The following SLC6A3 variants were observed in gnomAD, a reference collection of about 807,000 sequenced individuals.
SLC6A3 encodes sodium-dependent dopamine transporter.
SLC6A3 carries 19 observed loss-of-function variants against 70.4 expected under a neutral mutation model. The observed-to-expected ratio is 0.27, with a 90% CI of 0.19 to 0.40. The LOEUF (loss-of-function observed/expected upper bound fraction) is 0.40. SLC6A3 is among the 10% of genes least tolerant of loss of function. The pLI, the probability that SLC6A3 is intolerant of heterozygous loss-of-function variation, is 1.00. For synonymous variants in SLC6A3, 368 were observed against 356.6 expected, an observed-to-expected ratio of 1.03 and a Z score of -0.36; for missense variants, 613 against 838.5, an observed-to-expected ratio of 0.73 and a Z score of 3.32.
chr5:1,416,499 C>A (rs1756294566), intron 6 of SLC6A3: 2 of 522,650 alleles, frequency 3.8e-6, no homozygotes, highest in East Asian at 7.0e-5. Flanking sequence ...TGCTCCATAG[C>A]CCTCAGAACA....
In SLC6A3 at chr5:1,438,674, T is replaced by A. The variant is rs1274795409; in HGVS notation, c.418+2685A>T. Among the ~76,000 whole-genome samples, 1 of 152,152 alleles carries A rather than the reference T, an allele frequency of 6.6e-6. No homozygotes were observed. The highest frequency in any genetic ancestry group is 6.5e-5 in the Admixed American group (1 of 15,284). ...CTACAGGTCCCTTTTTCTCCTGCCCTCCTCACCTGAATCCTGCACGTGAAG... is the reference window on the plus strand; with the variant it reads ...CTACAGGTCCCTTTTTCTCCTGCCCACCTCACCTGAATCCTGCACGTGAAG... On this transcript the variant is annotated intron_variant, in intron 3 of 14. Transcript: ENST00000270349. The surrounding 1 kb of genome is among the most constrained non-coding windows in gnomAD (Gnocchi z 6.5).
At chr5:1,423,834 G>A (rs1756519157) in intron 4 of SLC6A3, among the ~76,000 whole-genome samples, 1 of 152,250 alleles carries the variant, frequency 6.6e-6, no homozygotes, top group African/African-American at 2.4e-5. Context: ...GTCAGGAGCT[G>A]TGACAGACAG....
chr5:1,395,211 C>T (rs1755686368), intron 14 of SLC6A3, among the ~76,000 whole-genome samples: 1 of 152,222 alleles, frequency 6.6e-6, no homozygotes, highest in African/African-American at 2.4e-5. Context: ...GCTACCTCTG[C>T]AGCTCCATCT....
chr5:1,414,607 C>T, intron 8 of SLC6A3, 84 bp downstream of exon 8: 2 of 1,523,638 alleles, frequency 1.3e-6, no homozygotes, highest in Non-Finnish European at 8.9e-7. Flanking sequence ...CGTCTCCTTC[C>T]TCTTTCACAA....
Position 1,411,297 on chromosome 5 carries a change from T to G in SLC6A3, c.1215A>C (p.Ser405=). The G allele has an allele frequency of 1.3e-6, 2 of 1,555,116 alleles. No homozygotes were observed. Among genetic ancestry groups the G allele is most frequent in the Non-Finnish European group, 1.7e-6 (2 of 1,149,298 alleles). The change falls in exon 9 of 15, where the codon TCA becomes TCC. Residue 405 remains serine (S), a synonymous_variant. Coordinates refer to ENST00000270349, the MANE Select transcript of SLC6A3 (RefSeq NM_001044.5). This position sits in a 1 kb window ranked among gnomAD's most constrained non-coding sequence, Gnocchi z 6.5. ...PEAIATLPLS[S]AWAVVFFIML... ...TGATGAAGAAGACCACGGCCCAGGC[T>G]GAGGACAGAGGGAGCGTGGCGATGG...
At chr5:1,400,013 C>A (rs1404460079) in intron 14 of SLC6A3, among the ~76,000 whole-genome samples, 1 of 152,212 alleles carries the variant, frequency 6.6e-6, no homozygotes, top group East Asian at 1.9e-4. Flanking sequence ...CGAGAACCAG[C>A]CACAGAGAGG....
Position 1,441,442 on chromosome 5 carries a change from G to C in SLC6A3, c.335C>G (p.Pro112Arg), listed in dbSNP as rs1393047611. ...YLLFMVIAGMPLFYMELALGQ... is the reference protein window; with the variant it reads ...YLLFMVIAGMRLFYMELALGQ... Reference sequence around the variant, plus strand: ...GAGGGCCAGCTCCATGTAGAAAAGTGGCATCCCAGCAATGACCATGAAGAG... The same window carrying C: ...GAGGGCCAGCTCCATGTAGAAAAGTCGCATCCCAGCAATGACCATGAAGAG... The change falls in exon 3 of 15, where the codon CCA (proline) becomes CGA (arginine). Residue 112 changes from proline to arginine, a missense_variant. Physicochemically the swap from Pro to Arg is moderately radical, Grantham distance 103. Coordinates refer to ENST00000270349, the MANE Select transcript of SLC6A3 (RefSeq NM_001044.5). 1 of 1,614,098 alleles carries C rather than the reference G, an allele frequency of 6.2e-7. No individual in the cohort carries two copies. The highest frequency in any genetic ancestry group is 8.5e-7 in the Non-Finnish European group (1 of 1,180,036).
At position 1,406,852 on chromosome 5, in the gene SLC6A3, A is replaced by T. The variant is rs186925310; in HGVS notation, c.1499-564T>A. ...GCACCATCTGCTTTTTGTCTCAATG[A>T]ATGTGACTCCTGTGGGAACCTCCCG... On this transcript the variant is annotated intron_variant, in intron 11 of 14. Coordinates refer to ENST00000270349, the MANE Select transcript of SLC6A3 (RefSeq NM_001044.5). The surrounding 1 kb of genome is among the most constrained non-coding windows in gnomAD (Gnocchi z 8.8). Among the ~76,000 whole-genome samples the T allele has an allele frequency of 6.2e-4, 94 of 152,030 alleles. No homozygotes were observed. Among genetic ancestry groups the T allele is most frequent in the African/African-American group, 2.1e-3 (89 of 41,502 alleles).
Position 1,413,175 on chromosome 5 carries a change from T to C in SLC6A3, c.1156+1516A>G, listed in dbSNP as rs1756167838. On this transcript the variant is annotated intron_variant, in intron 8 of 14. Transcript: ENST00000270349. The surrounding 1 kb of genome is among the most constrained non-coding windows in gnomAD (Gnocchi z 7.1). ...TTTTTGCAAACTATGCTCGTTATCA[T>C]AATAAAGGGCAAAAAGAATGAAGAA... Among the ~76,000 whole-genome samples the C allele has an allele frequency of 6.6e-6, 1 of 152,210 alleles. No homozygotes were observed. The highest frequency in any genetic ancestry group is 2.4e-5 in the African/African-American group (1 of 41,450).
intron 1 of SLC6A3, among the ~76,000 whole-genome samples, chr5:1,444,400 ACT>A (rs1335406748): frequency 2.1e-5 from 3 of 144,522 alleles, no homozygotes; most frequent in Admixed American, 6.7e-5. Flanking sequence ...ACACATACAC[ACT>A]CACACACACA....
At chr5:1,426,083 A>G (rs1248514630) in intron 4 of SLC6A3, among the ~76,000 whole-genome samples, 1 of 152,214 alleles carries the variant, frequency 6.6e-6, no homozygotes, top group Non-Finnish European at 1.5e-5. Flanking sequence ...TGTGGGAAAC[A>G]GTGTGGTGGT....
In SLC6A3 at chr5:1,436,794, G is replaced by T. The variant is rs1452584465; in HGVS notation, c.419-4096C>A. 6.6e-6 allele frequency among the ~76,000 whole-genome samples: 1 copy of T among 152,206 alleles called. No individual in the cohort carries two copies. The highest frequency in any genetic ancestry group is 2.4e-5 in the African/African-American group (1 of 41,456). ...ATGGTGCTTCGCCCACCAGAGCACG[G>T]CCACCCTGCCCCACCCCTGAACACC... On this transcript the variant is annotated intron_variant, in intron 3 of 14. Transcript: ENST00000270349. The surrounding 1 kb of genome is among the most constrained non-coding windows in gnomAD (Gnocchi z 5.2).
Position 1,442,842 on chromosome 5 carries a change from G to T in SLC6A3, c.286+70C>A. ...ACAGCTTCATCTCGTTTCCGTACGT[G>T]CCTTGGCCCCGGCTGCCCCTACGAC... On this transcript the variant is annotated intron_variant, in intron 2 of 14. Coordinates refer to ENST00000270349, the MANE Select transcript of SLC6A3 (RefSeq NM_001044.5). This position sits in a 1 kb window ranked among gnomAD's most constrained non-coding sequence, Gnocchi z 5.0. The T allele has an allele frequency of 1.3e-6, 2 of 1,506,116 alleles. No homozygotes were observed. Among genetic ancestry groups the T allele is most frequent in the Non-Finnish European group, 1.8e-6 (2 of 1,083,626 alleles). 93.3% of individuals were successfully genotyped at this position (1,506,116 alleles called of 1,614,324 possible). A position where few individuals can be genotyped will look rare whatever the true frequency, so the allele number is the denominator to read the frequency against.
Position 1,396,974 on chromosome 5 carries a change from T to C in SLC6A3, c.1840-2216A>G, listed in dbSNP as rs151132379. Among the ~76,000 whole-genome samples the C allele has an allele frequency of 1.6e-3, 238 of 152,348 alleles. 8 individuals are homozygous for C. The East Asian group carries it at 0.042, about 27-fold the overall frequency. On this transcript the variant is annotated intron_variant, in intron 14 of 14. Coordinates refer to ENST00000270349, the MANE Select transcript of SLC6A3 (RefSeq NM_001044.5). The surrounding 1 kb of genome is among the most constrained non-coding windows in gnomAD (Gnocchi z 7.0). Reference sequence around the variant, plus strand: ...CAGTTTCCACAGTGCCTAGTTTTCCTGCTGTGGGCTCACAAGGGTCTGTTT... The same window carrying C: ...CAGTTTCCACAGTGCCTAGTTTTCCCGCTGTGGGCTCACAAGGGTCTGTTT...
chr5:1,422,153 T>C (rs1756451568), intron 4 of SLC6A3, 139 bp from the exon 5 acceptor site: 2 of 948,186 alleles, frequency 2.1e-6, no homozygotes, highest in Admixed American at 4.4e-5. Flanking sequence ...AGAGATGCCT[T>C]CCAGGGAGGT....
rs1755930726 is a variant in SLC6A3 at position 1,404,733 on chromosome 5, T to G, written c.1599+1455A>C. Among the ~76,000 whole-genome samples the G allele has an allele frequency of 6.6e-6, 1 of 152,270 alleles. No homozygotes were observed. Among genetic ancestry groups the G allele is most frequent in the Non-Finnish European group, 1.5e-5 (1 of 68,050 alleles). ...CTTCATAGGAATTGTGCTGTCATAT[T>G]AAATACAAAATGACATAGAGCAATG... On this transcript the variant is annotated intron_variant, in intron 12 of 14. Coordinates refer to ENST00000270349, the MANE Select transcript of SLC6A3 (RefSeq NM_001044.5). This position sits in a 1 kb window ranked among gnomAD's most constrained non-coding sequence, Gnocchi z 5.2.
Position 1,409,815 on chromosome 5 carries a change from A to G in SLC6A3, c.1304T>C (p.Ile435Thr). 6.2e-7 allele frequency: 1 copy of G among 1,613,398 alleles called. No individual in the cohort carries two copies. Among genetic ancestry groups the G allele is most frequent in the Non-Finnish European group, 8.5e-7 (1 of 1,180,000 alleles). The change falls in exon 10 of 15, where the codon ATC becomes ACC. Residue 435 changes from isoleucine (I) to threonine (T), a missense_variant. Physicochemically the swap from Ile to Thr is moderately conservative, Grantham distance 89. Around this residue, in one of 4 missense-constraint regions of SLC6A3, gnomAD observed 348 missense variants for 481.2 expected, o/e 0.72. Coordinates refer to ENST00000270349, the MANE Select transcript of SLC6A3 (RefSeq NM_001044.5). ...TCTGTGCAGCAGCTGGAACTCATCG[A>G]TGAGCCCGGTGATCACTGACTCCAT... Reference protein sequence around the residue: ...GGMESVITGLIDEFQLLHRHR... With the variant: ...GGMESVITGLTDEFQLLHRHR...
rs551933800 is a variant in SLC6A3, at chr5:1,405,309, C to T, written c.1599+879G>A. The stretch of plus-strand genomic sequence containing the variant: ...CCCGGAACCCCTCTGCTGGCAACTA[C>T]GGGGCTGTCCCACCTGCTGTGTGCA... On this transcript the variant is annotated intron_variant, in intron 12 of 14. Transcript: ENST00000270349. This position sits in a 1 kb window ranked among gnomAD's most constrained non-coding sequence, Gnocchi z 5.3. Among the ~76,000 whole-genome samples the T allele has an allele frequency of 4.6e-5, 7 of 152,330 alleles. No homozygotes were observed. In the East Asian group the frequency reaches 7.7e-4, roughly 17 times the overall value.
At chr5:1,403,658 C>T (rs1356472899) in intron 12 of SLC6A3, among the ~76,000 whole-genome samples, 2 of 151,984 alleles carry the variant, frequency 1.3e-5, no homozygotes, top group Admixed American at 1.3e-4. Flanking sequence ...TCATCCATGG[C>T]CTGAAGACAC....
Sources: gnomAD v4.1 joint callset for allele counts (sites outside exome capture counted in the v4.1 genomes callset) on GRCh38, gnomAD v4.1.1 for gene constraint, gnomAD v4.1.1 regional missense constraint, Gnocchi (gnomAD v3.1) non-coding constraint, MANE v1.5 for transcripts, NCBI Gene and HGNC (gene_info 2026-07-23, HGNC 2026-07-21) for gene names.